Variants in RPS6KA5 observed in about 807,000 individuals in gnomAD.
The protein encoded by RPS6KA5 is ribosomal protein S6 kinase alpha-5.
RPS6KA5 carries 27 observed loss-of-function variants against 85.5 expected under a neutral mutation model. That is an observed-to-expected ratio of 0.32 (90% confidence interval 0.23 to 0.44). The LOEUF (loss-of-function observed/expected upper bound fraction) is 0.44, where lower values mean the gene tolerates loss of function less well. Among genes scored for constraint, RPS6KA5 ranks in the 20% least tolerant of loss-of-function variants. The pLI, the probability that RPS6KA5 is intolerant of heterozygous loss-of-function variation, is 1.00. For missense variants in RPS6KA5, 811 were observed against 980.9 expected, an observed-to-expected ratio of 0.83 and a Z score of 2.31; for synonymous variants, 334 against 348.2, an observed-to-expected ratio of 0.96 and a Z score of 0.46.
chr14:91,002,552 A>G (rs2040835359), intron 1 of RPS6KA5, among the ~76,000 whole-genome samples: 1 of 152,192 alleles, frequency 6.6e-6, no homozygotes, highest in Non-Finnish European at 1.5e-5. Context: ...TTAAGAAAAT[A>G]AAACTCAACT....
At chr14:90,973,234 A>G (rs1044097724) in intron 3 of RPS6KA5, among the ~76,000 whole-genome samples, 1 of 152,182 alleles carries the variant, frequency 6.6e-6, no homozygotes, top group Admixed American at 6.5e-5. Flanking sequence ...TGAGGTCAGG[A>G]GTTGGAGACC....
chr14:90,973,863 C>A (rs1007314555), intron 3 of RPS6KA5, among the ~76,000 whole-genome samples: 1 of 151,736 alleles, frequency 6.6e-6, no homozygotes, highest in African/African-American at 2.4e-5. Flanking sequence ...CACAGTGAAA[C>A]CCCGTCTCTA....
At position 91,007,637 on chromosome 14, in the gene RPS6KA5, C is replaced by A. The variant is rs182243334; in HGVS notation, c.104-6478G>T. ...ATTTTGTGAAATCCCCTCACAGGTACCTTTTCACATTCCCATCAACAGTGC... is the reference window on the plus strand; with the variant it reads ...ATTTTGTGAAATCCCCTCACAGGTAACTTTTCACATTCCCATCAACAGTGC... On this transcript the variant is annotated intron_variant, in intron 1 of 16. Transcript: ENST00000614987. 2.2e-3 allele frequency among the ~76,000 whole-genome samples: 330 copies of A among 151,980 alleles called. 3 individuals carry two copies. The highest frequency in any genetic ancestry group is 3.6e-3 in the Non-Finnish European group (242 of 67,994).
At chr14:90,946,228 C>T (rs2037862551) in intron 4 of RPS6KA5, among the ~76,000 whole-genome samples, 1 of 152,070 alleles carries the variant, frequency 6.6e-6, no homozygotes, top group Admixed American at 6.6e-5. Context: ...GTCTGTTCTG[C>T]TACCTCAGTT....
At chr14:90,892,967 GA>G (rs1664493572) in intron 13 of RPS6KA5, among the ~76,000 whole-genome samples, 1 of 152,130 alleles carries the variant, frequency 6.6e-6, no homozygotes, top group Non-Finnish European at 1.5e-5. Context: ...CAAATAAGAA[GA>G]ATTAAGCTAC....
At chr14:90,949,585 TAA>T (rs2140376678) in intron 3 of RPS6KA5, among the ~76,000 whole-genome samples, 1 of 152,276 alleles carries the variant, frequency 6.6e-6, no homozygotes, top group South Asian at 2.1e-4. Context: ...CTCTGAAACT[TAA>T]GAGGCCAGTC....
At chr14:90,920,060 A>G (rs977223286) in intron 7 of RPS6KA5, 146 bp downstream of exon 7, 11 of 687,198 alleles carry the variant, frequency 1.6e-5, no homozygotes, top group Non-Finnish European at 2.9e-5. Flanking sequence ...TCTATATGCC[A>G]TATGATAGAA....
chr14:91,025,059 A>AG (rs1234277570), intron 1 of RPS6KA5, among the ~76,000 whole-genome samples: 2 of 145,104 alleles, frequency 1.4e-5, no homozygotes, highest in African/African-American at 5.1e-5. Context: ...TTTTTTTTTT[A>AG]GGGGGGATGG....
At chr14:90,889,346 T>A (rs1206251717) in intron 14 of RPS6KA5, among the ~76,000 whole-genome samples, 5 of 145,864 alleles carry the variant, frequency 3.4e-5, no homozygotes, top group Admixed American at 3.4e-4. Flanking sequence ...AAAATACTAA[T>A]GTTCAAATGC....
intron 1 of RPS6KA5, among the ~76,000 whole-genome samples, chr14:91,025,362 C>A (rs1423994560): frequency 6.6e-6 from 1 of 152,064 alleles, no homozygotes; most frequent in Non-Finnish European, 1.5e-5. Flanking sequence ...TTCATTGAGT[C>A]TCTTAAGTTT....
chr14:91,032,376 T>G (rs1434265072), intron 1 of RPS6KA5, among the ~76,000 whole-genome samples: 1 of 152,196 alleles, frequency 6.6e-6, no homozygotes, highest in Admixed American at 6.5e-5. Flanking sequence ...TAAAAATCCT[T>G]TTTAGTTAAG....
At chr14:90,999,972 A>AT (rs943713322) in intron 2 of RPS6KA5, among the ~76,000 whole-genome samples, 3 of 151,858 alleles carry the variant, frequency 2.0e-5, no homozygotes, top group African/African-American at 7.3e-5. Context: ...AATTTTCTTT[A>AT]TTTTTTGTTG....
chr14:90,950,726 G>A (rs2038130000), intron 3 of RPS6KA5, among the ~76,000 whole-genome samples: 3 of 152,116 alleles, frequency 2.0e-5, no homozygotes, highest in African/African-American at 4.8e-5. Context: ...TTGCACTACT[G>A]TGATAGATTC....
chr14:90,873,822 T>C, intron 15 of RPS6KA5, 27 bp from the exon 16 acceptor site: 3 of 1,593,176 alleles, frequency 1.9e-6, no homozygotes. Context: ...TTTTATTTTA[T>C]GATTTGTCAT....
intron 1 of RPS6KA5, among the ~76,000 whole-genome samples, chr14:91,043,756 C>T (rs2042689128): frequency 6.6e-6 from 1 of 152,188 alleles, no homozygotes; most frequent in Non-Finnish European, 1.5e-5. Context: ...CGCATTTCCC[C>T]TGGTTCACTA....
intron 3 of RPS6KA5, among the ~76,000 whole-genome samples, chr14:90,956,062 T>C (rs930876010): frequency 1.3e-5 from 2 of 152,180 alleles, no homozygotes; most frequent in African/African-American, 4.8e-5. Flanking sequence ...ATTTACACTG[T>C]ATTAAGTATC....
chr14:91,009,944 CA>C (rs907355382), intron 1 of RPS6KA5, among the ~76,000 whole-genome samples: 6 of 151,220 alleles, frequency 4.0e-5, no homozygotes, highest in African/African-American at 7.3e-5. Flanking sequence ...AAAGAAAGAA[CA>C]TCAAAAAAGA....
intron 1 of RPS6KA5, among the ~76,000 whole-genome samples, chr14:91,025,189 C>T (rs1239114642): frequency 2.0e-5 from 3 of 152,126 alleles, no homozygotes; most frequent in Non-Finnish European, 4.4e-5. Context: ...GGACTACAGG[C>T]GCCTGCCACC....
chr14:90,985,470 G>A (rs1435090698), intron 2 of RPS6KA5, among the ~76,000 whole-genome samples: 4 of 152,198 alleles, frequency 2.6e-5, no homozygotes, highest in Admixed American at 2.6e-4. Context: ...ACTTGGACAT[G>A]CTGTTCTCAC....
Sources: allele counts gnomAD v4.1 joint callset (sites outside exome capture counted in the v4.1 genomes callset), GRCh38; gene constraint gnomAD v4.1.1; transcripts MANE v1.5; gene names NCBI Gene and HGNC (gene_info 2026-07-23, HGNC 2026-07-21).